SEL1L3: variants seen among roughly 807,000 people sequenced by gnomAD.
The protein encoded by SEL1L3 is protein sel-1 homolog 3.
SEL1L3 carries 76 observed loss-of-function variants against 142.8 expected under a neutral mutation model. The ratio of observed to expected loss-of-function variants is 0.53; its 90% CI spans 0.44 to 0.64. The LOEUF (loss-of-function observed/expected upper bound fraction) is 0.64, where lower values mean the gene tolerates loss of function less well. Ranked by LOEUF, SEL1L3 falls within the 30% of genes least tolerant of loss-of-function variation. The pLI, the probability that SEL1L3 is intolerant of heterozygous loss-of-function variation, is 0.00. For missense variants in SEL1L3, 1,262 were observed against 1,381.7 expected (o/e 0.91, Z 1.37); for synonymous variants, 504 against 519.6 (o/e 0.97, Z 0.41).
At chr4:25,854,871 T>C (rs1297486158) in intron 1 of SEL1L3, among the ~76,000 whole-genome samples, 1 of 152,170 alleles carries the variant, frequency 6.6e-6, no homozygotes, top group African/African-American at 2.4e-5. Flanking sequence ...GTTTGACAAG[T>C]AGGAGAAGCT....
chr4:25,730,963 G>A, the SEL1L3 span, among the ~76,000 whole-genome samples: 3 of 152,218 alleles, frequency 2.0e-5, no homozygotes, highest in African/African-American at 2.4e-5. Context: ...CCTGGGAGGC[G>A]GAGGTTGCAG....
intron 9 of SEL1L3, among the ~76,000 whole-genome samples, chr4:25,815,574 A>G (rs1015878403): frequency 3.3e-5 from 5 of 152,124 alleles, no homozygotes; most frequent in African/African-American, 1.2e-4. Flanking sequence ...CAGCACAACT[A>G]TTTTTAAGTA....
chr4:25,794,910 A>G (rs1008742667), intron 11 of SEL1L3, among the ~76,000 whole-genome samples: 3 of 152,298 alleles, frequency 2.0e-5, no homozygotes, highest in African/African-American at 4.8e-5. Flanking sequence ...CTGAAGGGAC[A>G]TGGATGGAGT....
chr4:25,784,797 G>A (rs558683581), intron 13 of SEL1L3, among the ~76,000 whole-genome samples: 5 of 152,202 alleles, frequency 3.3e-5, no homozygotes, highest in African/African-American at 7.2e-5. Flanking sequence ...CAGCAGAATT[G>A]GTTGCCTCAG....
the SEL1L3 span, among the ~76,000 whole-genome samples, chr4:25,724,302 C>T: frequency 6.6e-6 from 1 of 151,934 alleles, no homozygotes; most frequent in Non-Finnish European, 1.5e-5. Flanking sequence ...GCCTGTAGTC[C>T]CAGCTACTTA....
At chr4:25,754,126 A>G (rs1366993502) in intron 23 of SEL1L3, among the ~76,000 whole-genome samples, 1 of 151,468 alleles carries the variant, frequency 6.6e-6, no homozygotes, top group Non-Finnish European at 1.5e-5. Context: ...AACACAGAGA[A>G]ACCCTGTCTC....
rs759966367 is a variant in SEL1L3, at chr4:25,804,795, G to C, written c.1565-43C>G. On this transcript the variant is annotated intron_variant, in intron 9 of 23. Coordinates refer to ENST00000399878, the MANE Select transcript of SEL1L3 (RefSeq NM_015187.5). Reference sequence around the variant, plus strand: ...CAGAGCACACACAATTAATTACCATGGGATCGATGTGGCTTTAGAAAAAGA... The same window carrying C: ...CAGAGCACACACAATTAATTACCATCGGATCGATGTGGCTTTAGAAAAAGA... 2.9e-6 allele frequency: 4 copies of C among 1,389,274 alleles called. No homozygotes were observed. In the Admixed American group the frequency reaches 5.1e-5, roughly 18 times the overall value. 86.1% of individuals were successfully genotyped at this position (1,389,274 alleles called of 1,614,324 possible). A position where few individuals can be genotyped will look rare whatever the true frequency, so the allele number is the denominator to read the frequency against.
intron 9 of SEL1L3, among the ~76,000 whole-genome samples, chr4:25,813,090 G>A (rs373496984): frequency 1.6e-4 from 25 of 152,294 alleles, no homozygotes; most frequent in African/African-American, 6.0e-4. Context: ...CTTGTGCACC[G>A]TTGGAGGGAA....
downstream of SEL1L3, among the ~76,000 whole-genome samples, chr4:25,742,591 C>T (rs552264821): frequency 8.5e-5 from 13 of 152,290 alleles, no homozygotes; most frequent in South Asian, 2.1e-3. Flanking sequence ...CCACCGCACC[C>T]GGCCAAGGAG....
At chr4:25,793,326 A>C (rs1215440035) in intron 11 of SEL1L3, among the ~76,000 whole-genome samples, 1 of 152,214 alleles carries the variant, frequency 6.6e-6, no homozygotes, top group Non-Finnish European at 1.5e-5. Context: ...TCTGTCACCC[A>C]GACTGGATTG....
rs1326393273 is a variant in SEL1L3 at position 25,788,759 on chromosome 4, AG to A, written c.2077-396del. Among the ~76,000 whole-genome samples, 1 of 152,118 alleles carries A rather than the reference AG, an allele frequency of 6.6e-6. No homozygotes were observed. ...GAGGTCTCTGCACATCTGTATCATT[AG>A]GGCATCCTTCTATAGCACTGATCTC... On this transcript the variant is annotated intron_variant, in intron 12 of 23. Coordinates refer to ENST00000399878, the MANE Select transcript of SEL1L3 (RefSeq NM_015187.5). The surrounding 1 kb of genome is among the most constrained non-coding windows in gnomAD (Gnocchi z 5.3).
chr4:25,759,252 C>T, intron 20 of SEL1L3, 184 bp from the exon 21 acceptor site: 1 of 578,446 alleles, frequency 1.7e-6, no homozygotes, highest in Non-Finnish European at 2.9e-6. Context: ...AATTTATTTG[C>T]AGGAGAACCA....
chr4:25,828,100 G>A (rs1235956977), intron 6 of SEL1L3, among the ~76,000 whole-genome samples: 3 of 152,106 alleles, frequency 2.0e-5, no homozygotes, highest in South Asian at 2.1e-4. Flanking sequence ...TTGAAGACAT[G>A]TGCTCTCTCC....
chr4:25,755,549 G>A (rs916076569), intron 23 of SEL1L3, among the ~76,000 whole-genome samples: 1 of 152,132 alleles, frequency 6.6e-6, no homozygotes, highest in African/African-American at 2.4e-5. Context: ...CAAGCAGGAA[G>A]TAGGTATGTG....
rs779642609 is a variant in SEL1L3 at position 25,847,797 on chromosome 4, C to T, written c.230G>A (p.Ser77Asn). Residue 77 changes from serine (S) to asparagine (N), a missense_variant, in exon 2 of 24, where the codon AGC becomes AAC. This residue lies in a region of SEL1L3 where 689 missense variants were observed against 692.8 expected (regional missense o/e 0.99). Transcript: ENST00000399878. The part of the protein sequence containing the change: ...TTSVIPKAEQ[S>N]VAYKDFIYFT... The stretch of plus-strand genomic sequence containing the variant: ...ATAAATAAAGTCTTTGTAAGCCACG[C>T]TCTGCTCAGCTTTGGGTATCACTGA... 29 of 1,612,728 alleles carry T rather than the reference C, an allele frequency of 1.8e-5. No homozygotes were observed. Among genetic ancestry groups the T allele is most frequent in the Non-Finnish European group, 2.3e-5 (27 of 1,179,402 alleles).
intron 9 of SEL1L3, among the ~76,000 whole-genome samples, chr4:25,810,405 T>C (rs1351571256): frequency 6.6e-6 from 1 of 152,134 alleles, no homozygotes; most frequent in Non-Finnish European, 1.5e-5. Flanking sequence ...TCATCGCATC[T>C]CTTCTCTGGA....
chr4:25,805,062 C>A (rs773719028), intron 9 of SEL1L3, among the ~76,000 whole-genome samples: 36 of 152,140 alleles, frequency 2.4e-4, no homozygotes, highest in Admixed American at 1.6e-3. Context: ...CAAATCAGGA[C>A]CACTGAAACT....
At chr4:25,811,748 G>GTT (rs60024973) in intron 9 of SEL1L3, among the ~76,000 whole-genome samples, 2,296 of 121,530 alleles carry the variant, frequency 0.019, 24 homozygotes, top group Middle Eastern at 0.032. Flanking sequence ...TTCTTTTCCT[G>GTT]TTTTTTTTTT....
chr4:25,778,362 C>T (rs971587166), intron 16 of SEL1L3, among the ~76,000 whole-genome samples: 1 of 151,662 alleles, frequency 6.6e-6, no homozygotes, highest in African/African-American at 2.4e-5. Context: ...CTGGACATAC[C>T]AAGAGGAAAT....
Sources: allele counts gnomAD v4.1 joint callset (sites outside exome capture counted in the v4.1 genomes callset), GRCh38; gene constraint gnomAD v4.1.1; regional missense constraint gnomAD v4.1.1; non-coding constraint Gnocchi (gnomAD v3.1); transcripts MANE v1.5; gene names NCBI Gene and HGNC (gene_info 2026-07-23, HGNC 2026-07-21).